Variants in SLC6A19 observed in about 807,000 individuals in gnomAD.
The protein encoded by SLC6A19 is sodium-dependent neutral amino acid transporter B(0)AT1.
A neutral mutation model predicts 68.3 loss-of-function variants in SLC6A19; 67 were observed. The ratio of observed to expected loss-of-function variants is 0.98; its 90% CI spans 0.81 to 1.20. SLC6A19 has a LOEUF of 1.20. Among genes scored for constraint, SLC6A19 ranks in the 50% most tolerant of loss-of-function variants. SLC6A19 has a pLI of 0.00. For synonymous variants in SLC6A19, 392 were observed against 374.9 expected, an observed-to-expected ratio of 1.05 and a Z score of -0.53; for missense variants, 813 against 851.6, an observed-to-expected ratio of 0.95 and a Z score of 0.56.
intron 9 of SLC6A19, 86 bp from the exon 10 acceptor site, chr5:1,219,419 G>A (rs373413327): frequency 3.8e-6 from 6 of 1,568,944 alleles, no homozygotes; most frequent in East Asian, 4.6e-5. Context: ...GGCCATATGT[G>A]CAGCCCCCAG....
chr5:1,211,975 GTGT>G (rs1746049245), intron 3 of SLC6A19, among the ~76,000 whole-genome samples: 1 of 151,090 alleles, frequency 6.6e-6, no homozygotes, highest in African/African-American at 2.4e-5. Context: ...GCATGTGTGT[GTGT>G]TGTGTGTCCG....
chr5:1,203,102 C>T (rs1321624338), intron 1 of SLC6A19, among the ~76,000 whole-genome samples: 1 of 145,852 alleles, frequency 6.9e-6, no homozygotes, highest in Non-Finnish European at 1.5e-5. Context: ...GTTTGTTTAG[C>T]TTGGAGGAGA....
chr5:1,209,028 C>G lies in SLC6A19; in HGVS notation c.343+142C>G. ...TCTGTTTCTGGTGCAACAAAGGTCCCAGCTTCATCTCCTGGAGGCCTTTGG... is the reference window on the plus strand; with the variant it reads ...TCTGTTTCTGGTGCAACAAAGGTCCGAGCTTCATCTCCTGGAGGCCTTTGG... On this transcript the variant is annotated intron_variant, in intron 2 of 11. Transcript: ENST00000304460. The surrounding 1 kb of genome is among the most constrained non-coding windows in gnomAD (Gnocchi z 5.5). 2 of 1,173,868 alleles carry G rather than the reference C, an allele frequency of 1.7e-6. No homozygotes were observed. The highest frequency in any genetic ancestry group is 2.3e-6 in the Non-Finnish European group (2 of 868,014). The allele number at this position is 1,173,868 out of a possible 1,614,324, so 72.7% of individuals were successfully genotyped here.
At chr5:1,216,256 C>T (rs1746203267) in intron 6 of SLC6A19, among the ~76,000 whole-genome samples, 2 of 152,162 alleles carry the variant, frequency 1.3e-5, no homozygotes, top group Admixed American at 6.5e-5. Flanking sequence ...CAAGACGGGG[C>T]GGAAAGAGAC....
At chr5:1,211,089 G>A (rs1444159728) in intron 3 of SLC6A19, among the ~76,000 whole-genome samples, 1 of 152,196 alleles carries the variant, frequency 6.6e-6, no homozygotes, top group African/African-American at 2.4e-5. Flanking sequence ...CGATTCACAC[G>A]TGGTCCTGGG....
intron 1 of SLC6A19, among the ~76,000 whole-genome samples, chr5:1,205,054 T>C (rs1483753628): frequency 1.3e-5 from 2 of 152,148 alleles, no homozygotes; most frequent in African/African-American, 2.4e-5. Context: ...TGCTTTCCAT[T>C]TGGCCACGTC....
Position 1,215,721 on chromosome 5 carries a change from G to A in SLC6A19, c.888-837G>A, listed in dbSNP as rs558649947. ...CCTGTGTGTACGCGTTTTTGTGGAC[G>A]CATGCTTTCGTTCTTCTGGGTGTGC... On this transcript the variant is annotated intron_variant, in intron 6 of 11. Transcript: ENST00000304460. This position sits in a 1 kb window ranked among gnomAD's most constrained non-coding sequence, Gnocchi z 5.1. 1.6e-4 allele frequency among the ~76,000 whole-genome samples: 25 copies of A among 152,322 alleles called. No homozygotes were observed. In the East Asian group the frequency reaches 2.1e-3, roughly 13 times the overall value.
At position 1,214,992 on chromosome 5, in the gene SLC6A19, C is replaced by T. The variant is rs929396660; in HGVS notation, c.887+927C>T. ...GTGCAGAGGGAGATGTGCTTGGAGG[C>T]ACCTGCAGATGGGCTTGTGGGCAGA... On this transcript the variant is annotated intron_variant, in intron 6 of 11. Coordinates refer to ENST00000304460, the MANE Select transcript of SLC6A19 (RefSeq NM_001003841.3). The surrounding 1 kb of genome is among the most constrained non-coding windows in gnomAD (Gnocchi z 7.4). 1.3e-5 allele frequency among the ~76,000 whole-genome samples: 2 copies of T among 151,978 alleles called. No homozygotes were observed. The highest frequency in any genetic ancestry group is 4.8e-5 in the African/African-American group (2 of 41,346).
chr5:1,207,479 C>T lies in SLC6A19; in HGVS notation c.203-1267C>T, dbSNP rs762487565. On this transcript the variant is annotated intron_variant, in intron 1 of 11. Transcript: ENST00000304460. ...TGAGAGGAAGCTGACCTATGCTTTT[C>T]AGCTTTGGTTTTTTAAAAGAGACAG... Among the ~76,000 whole-genome samples the T allele has an allele frequency of 1.4e-4, 21 of 152,342 alleles. No homozygotes were observed. The South Asian group carries it at 1.4e-3, about 11-fold the overall frequency.
At chr5:1,206,436 GTC>G (rs1395999041) in intron 1 of SLC6A19, among the ~76,000 whole-genome samples, 1 of 115,490 alleles carries the variant, frequency 8.7e-6, no homozygotes. Flanking sequence ...CTCTGTGTGT[GTC>G]TCTGTCTCTC....
intron 9 of SLC6A19, 46 bp downstream of exon 9, chr5:1,219,153 G>A (rs954811101): frequency 6.4e-7 from 1 of 1,555,824 alleles, no homozygotes; most frequent in African/African-American, 1.4e-5. Flanking sequence ...GGTGCCACCT[G>A]TGGGATGGCA....
intron 6 of SLC6A19, 138 bp from the exon 7 acceptor site, chr5:1,216,420 C>A: frequency 7.8e-7 from 1 of 1,287,114 alleles, no homozygotes; most frequent in South Asian, 1.2e-5. Context: ...GGGGCTCCGA[C>A]TGCCTCCCCG....
Position 1,216,869 on chromosome 5 carries a change from G to C in SLC6A19, c.1097G>C (p.Arg366Pro), listed in dbSNP as rs750499474. The stretch of plus-strand genomic sequence containing the variant: ...GAGAACTTTGTGGACATGCAGCAGC[G>C]GTGCAACGCCTCCGACCCCGCGGCC... ...TQENFVDMQQ[R>P]CNASDPAAYA... The change falls in exon 8 of 12, where the codon CGG (arginine) becomes CCG (proline). Residue 366 changes from arginine (R) to proline (P), a missense_variant. Arg to Pro is a moderately radical substitution (Grantham distance 103, BLOSUM62 -2). Coordinates refer to ENST00000304460, the MANE Select transcript of SLC6A19 (RefSeq NM_001003841.3). 6.2e-7 allele frequency: 1 copy of C among 1,613,586 alleles called. No individual in the cohort carries two copies. Among genetic ancestry groups the C allele is most frequent in the African/African-American group, 1.3e-5 (1 of 74,944 alleles).
chr5:1,221,595 G>A (rs1192408719), intron 11 of SLC6A19, 106 bp from the exon 12 acceptor site: 18 of 1,428,142 alleles, frequency 1.3e-5, no homozygotes, highest in African/African-American at 2.8e-5. Context: ...CACCCTGCCT[G>A]CCCCACAGGA....
At chr5:1,221,116 G>T (rs368752405) in intron 10 of SLC6A19, 35 bp from the exon 11 acceptor site, 1 of 1,608,408 alleles carries the variant, frequency 6.2e-7, no homozygotes, top group Non-Finnish European at 8.5e-7. Context: ...AGCCCAGCTG[G>T]TAGCAGCAGT....
At chr5:1,203,033 G>A (rs558293667) in intron 1 of SLC6A19, among the ~76,000 whole-genome samples, 9 of 152,102 alleles carry the variant, frequency 5.9e-5, no homozygotes, top group South Asian at 2.1e-4. Context: ...CACTGTCCTC[G>A]CCCCCTCCCC....
chr5:1,214,145 A>G lies in SLC6A19; in HGVS notation c.887+80A>G. The stretch of plus-strand genomic sequence containing the variant: ...CTGGGAGGATAAAAGACAAGGTGGA[A>G]AGCACTCTGTGGCTGTGTGGCCGGG... On this transcript the variant is annotated intron_variant, in intron 6 of 11. Transcript: ENST00000304460. This position sits in a 1 kb window ranked among gnomAD's most constrained non-coding sequence, Gnocchi z 7.4. 4.4e-6 allele frequency: 7 copies of G among 1,603,846 alleles called. No individual in the cohort carries two copies. Among genetic ancestry groups the G allele is most frequent in the Non-Finnish European group, 5.1e-6 (6 of 1,175,516 alleles).
chr5:1,214,166 C>A lies in SLC6A19; in HGVS notation c.887+101C>A. On this transcript the variant is annotated intron_variant, in intron 6 of 11. Transcript: ENST00000304460. The surrounding 1 kb of genome is among the most constrained non-coding windows in gnomAD (Gnocchi z 7.4). The stretch of plus-strand genomic sequence containing the variant: ...TGGAAAGCACTCTGTGGCTGTGTGG[C>A]CGGGGCCTTGCTGCCCCGATGGGCC... The A allele has an allele frequency of 1.3e-6, 2 of 1,572,100 alleles. No homozygotes were observed. Among genetic ancestry groups the A allele is most frequent in the Non-Finnish European group, 1.7e-6 (2 of 1,159,636 alleles).
chr5:1,203,409 C>T (rs369942074), intron 1 of SLC6A19, among the ~76,000 whole-genome samples: 15 of 152,018 alleles, frequency 9.9e-5, no homozygotes, highest in Admixed American at 3.9e-4. Context: ...TGGACAGGTG[C>T]GGGCAGCGGG....
Sources: gnomAD v4.1 joint callset for allele counts (sites outside exome capture counted in the v4.1 genomes callset) on GRCh38, gnomAD v4.1.1 for gene constraint, Gnocchi (gnomAD v3.1) non-coding constraint, MANE v1.5 for transcripts, NCBI Gene and HGNC (gene_info 2026-07-23, HGNC 2026-07-21) for gene names.